Variants in FNDC3B observed in about 807,000 individuals in gnomAD.
FNDC3B encodes the protein fibronectin type III domain containing 3B.
A neutral mutation model predicts 151.5 loss-of-function variants in FNDC3B; 12 were observed. That is an observed-to-expected ratio of 0.08 (90% CI 0.05 to 0.13). The LOEUF is 0.13. FNDC3B is among the 10% of genes least tolerant of loss of function. The pLI, the probability that FNDC3B is intolerant of heterozygous loss-of-function variation, is 1.00. For missense variants in FNDC3B, 1,214 were observed against 1,505.3 expected, an observed-to-expected ratio of 0.81 and a Z score of 3.20; for synonymous variants, 528 against 549.0, an observed-to-expected ratio of 0.96 and a Z score of 0.54.
intron 4 of FNDC3B, among the ~76,000 whole-genome samples, chr3:172,238,986 A>G (rs1411527056): frequency 6.6e-6 from 1 of 152,228 alleles, no homozygotes; most frequent in Non-Finnish European, 1.5e-5. Context: ...AGTTATGGAG[A>G]AAAGTTTTAA....
intron 8 of FNDC3B, 38 bp from the exon 9 acceptor site, chr3:172,298,690 A>G (rs748160264): frequency 6.6e-7 from 1 of 1,509,518 alleles, no homozygotes; most frequent in Admixed American, 1.8e-5. Context: ...TGCTTTTGAA[A>G]CTGGAATTAG....
At chr3:172,171,611 T>C (rs1559999800) in intron 3 of FNDC3B, among the ~76,000 whole-genome samples, 1 of 117,848 alleles carries the variant, frequency 8.5e-6, no homozygotes, top group African/African-American at 2.8e-5. Context: ...TTTTTTTTTT[T>C]TTTTTTTGGA....
At chr3:172,041,482 G>C (rs1415129077) in intron 1 of FNDC3B, among the ~76,000 whole-genome samples, 3 of 94,972 alleles carry the variant, frequency 3.2e-5, no homozygotes, top group African/African-American at 8.9e-5. Flanking sequence ...TCTTGTTCTT[G>C]TTCTTCTTCT....
chr3:172,254,684 G>A (rs1039574131), intron 6 of FNDC3B, among the ~76,000 whole-genome samples: 1 of 152,134 alleles, frequency 6.6e-6, no homozygotes, highest in African/African-American at 2.4e-5. Context: ...TCTGTGGCTA[G>A]CCTCCCCTTT....
Position 172,227,677 on chromosome 3 carries a change from TAACA to T in FNDC3B, c.264+734_264+737del, listed in dbSNP as rs550925010. On this transcript the variant is annotated intron_variant, in intron 4 of 25. Transcript: ENST00000415807. The stretch of plus-strand genomic sequence containing the variant: ...CTGCATAGCTACCTTTCCAAATACC[TAACA>T]AACTGTTTTTCTGTCTTTCTGCCTT... Among the ~76,000 whole-genome samples, 79 of 152,318 alleles carry T rather than the reference TAACA, an allele frequency of 5.2e-4. No homozygotes were observed. The South Asian group carries it at 0.016, about 32-fold the overall frequency.
intron 6 of FNDC3B, among the ~76,000 whole-genome samples, chr3:172,276,766 A>G (rs1384264519): frequency 1.3e-5 from 2 of 152,210 alleles, no homozygotes; most frequent in African/African-American, 2.4e-5. Context: ...ATAGCATCAC[A>G]CTACAGATAG....
At chr3:172,290,798 T>A (rs1034379303) in intron 7 of FNDC3B, among the ~76,000 whole-genome samples, 8 of 152,232 alleles carry the variant, frequency 5.3e-5, no homozygotes, top group Middle Eastern at 3.2e-3. Context: ...TTCAGTATCC[T>A]TTTTCTTTAA....
intron 4 of FNDC3B, among the ~76,000 whole-genome samples, chr3:172,229,217 T>A (rs1726762514): frequency 2.0e-5 from 3 of 152,028 alleles, no homozygotes; most frequent in Admixed American, 2.0e-4. Context: ...TGTACAGTTA[T>A]CCCCACAGTC....
chr3:172,292,462 T>C (rs1282354466), intron 7 of FNDC3B, among the ~76,000 whole-genome samples: 1 of 152,228 alleles, frequency 6.6e-6, no homozygotes, highest in Admixed American at 6.5e-5. Flanking sequence ...AGGTAAATAA[T>C]AATTTAACCA....
At position 172,398,031 on chromosome 3, in the gene FNDC3B, C is replaced by G. The variant is rs572766565; in HGVS notation, c.*556C>G. ...CTCAGTTATTTAACTGTGTTTAGCT[C>G]ATTTAAATCAAAATGTGTACTTTAA... On this transcript the variant is annotated 3_prime_UTR_variant, in exon 26 of 26. Transcript: ENST00000415807. 3 of 152,688 alleles carry G rather than the reference C, an allele frequency of 2.0e-5. No homozygotes were observed. Among genetic ancestry groups the G allele is most frequent in the African/African-American group, 4.8e-5 (2 of 41,568 alleles). The allele number at this position is 152,688 out of a possible 1,614,324, so 9.5% of individuals were successfully genotyped here. A position where few individuals can be genotyped will look rare whatever the true frequency, so the allele number is the denominator to read the frequency against.
At position 172,040,215 on chromosome 3, in the gene FNDC3B, C is replaced by A. The variant is rs1186690767; in HGVS notation, c.-29+444C>A. Among the ~76,000 whole-genome samples the A allele has an allele frequency of 6.6e-6, 1 of 151,882 alleles. No individual in the cohort carries two copies. Among genetic ancestry groups the A allele is most frequent in the Non-Finnish European group, 1.5e-5 (1 of 67,902 alleles). On this transcript the variant is annotated intron_variant, in intron 1 of 25. Coordinates refer to ENST00000415807, the MANE Select transcript of FNDC3B (RefSeq NM_022763.4). The surrounding 1 kb of genome is among the most constrained non-coding windows in gnomAD (Gnocchi z 6.6). The stretch of plus-strand genomic sequence containing the variant: ...GGAGGGGGAGGGCGGGCGGCGAGGC[C>A]GAGGAATCTTCGACGTGTCACTTTC...
At chr3:172,322,667 A>G (rs776263209) in intron 11 of FNDC3B, among the ~76,000 whole-genome samples, 3 of 152,210 alleles carry the variant, frequency 2.0e-5, no homozygotes, top group Non-Finnish European at 4.4e-5. Flanking sequence ...ATAAGGTCAT[A>G]TACTTTAAAA....
intron 11 of FNDC3B, among the ~76,000 whole-genome samples, chr3:172,322,061 T>A (rs930581922): frequency 6.6e-6 from 1 of 152,222 alleles, no homozygotes; most frequent in Admixed American, 6.5e-5. Flanking sequence ...CATAACAAAT[T>A]ACCCCAAAAC....
Position 172,133,507 on chromosome 3 carries a change from A to C in FNDC3B, c.148A>C (p.Thr50Pro). 1 of 1,613,652 alleles carries C rather than the reference A, an allele frequency of 6.2e-7. No homozygotes were observed. Among genetic ancestry groups the C allele is most frequent in the Non-Finnish European group, 8.5e-7 (1 of 1,179,604 alleles). The change falls in exon 3 of 26, where the codon ACA becomes CCA. Residue 50 changes from threonine to proline, a missense_variant. Thr to Pro is a conservative substitution (Grantham distance 38, BLOSUM62 -1). Transcript: ENST00000415807. ...TCAAGTTAATCCAGGTGAGACTTTC[A>C]CAATAAGAGCAGAGGATGGAACACT... is the stretch of plus-strand genomic sequence containing the variant. ...LVQVNPGETF[T>P]IRAEDGTLQC...
At chr3:172,135,574 A>G (rs780283343) in intron 3 of FNDC3B, among the ~76,000 whole-genome samples, 1 of 152,130 alleles carries the variant, frequency 6.6e-6, no homozygotes, top group Non-Finnish European at 1.5e-5. Flanking sequence ...CTCAGATACT[A>G]TGGTTATCTT....
chr3:172,229,131 AC>A (rs1242978695), intron 4 of FNDC3B, among the ~76,000 whole-genome samples: 4,497 of 102,172 alleles, frequency 0.044, 75 homozygotes, highest in South Asian at 0.094. Context: ...ACACACACAC[AC>A]ACACAATCTC....
rs150310691 is a variant in FNDC3B at position 172,104,856 on chromosome 3, G to T, written c.-28-7596G>T. Among the ~76,000 whole-genome samples the T allele has an allele frequency of 4.7e-3, 708 of 152,232 alleles. 3 individuals are homozygous for T. Among genetic ancestry groups the T allele is most frequent in the African/African-American group, 0.016 (657 of 41,528 alleles). Reference sequence around the variant, plus strand: ...AAATTTTTTTCCTTTTGTTGATGCTGTTGGTGTTTCCATGGTTATTATCAA... The same window carrying T: ...AAATTTTTTTCCTTTTGTTGATGCTTTTGGTGTTTCCATGGTTATTATCAA... On this transcript the variant is annotated intron_variant, in intron 1 of 25. Transcript: ENST00000415807.
intron 6 of FNDC3B, among the ~76,000 whole-genome samples, chr3:172,281,530 C>T (rs1729724970): frequency 6.6e-6 from 1 of 152,174 alleles, no homozygotes; most frequent in Non-Finnish European, 1.5e-5. Context: ...TGTTTACTTA[C>T]GTTGTGGCTG....
At chr3:172,134,376 T>G in intron 3 of FNDC3B, 1 of 518,634 alleles carries the variant, frequency 1.9e-6, no homozygotes, top group South Asian at 1.4e-5. Flanking sequence ...AAAGGCACTG[T>G]TTATGATAGC....
Sources: allele counts gnomAD v4.1 joint callset (sites outside exome capture counted in the v4.1 genomes callset), GRCh38; gene constraint gnomAD v4.1.1; non-coding constraint Gnocchi (gnomAD v3.1); transcripts MANE v1.5; gene names NCBI Gene and HGNC (gene_info 2026-07-23, HGNC 2026-07-21).